LRRC4C: variants seen among roughly 807,000 people sequenced by gnomAD.
The protein encoded by LRRC4C is leucine rich repeat containing 4C, also known as leucine-rich repeat-containing protein 4C.
A neutral mutation model predicts 33.6 loss-of-function variants in LRRC4C; 5 were observed. That is an observed-to-expected ratio of 0.15 (90% confidence interval 0.08 to 0.31). The LOEUF is 0.31. LRRC4C is among the 10% of genes least tolerant of loss of function. The pLI is 1.00. For synonymous variants in LRRC4C, 329 were observed against 302.0 expected (o/e 1.09, Z -0.93); for missense variants, 560 against 796.7 (o/e 0.70, Z 3.58).
intron 1 of LRRC4C, among the ~76,000 whole-genome samples, chr11:41,427,290 A>G (rs1290880532): frequency 6.6e-6 from 1 of 152,096 alleles, no homozygotes; most frequent in Non-Finnish European, 1.5e-5. Flanking sequence ...TTATTTTTTA[A>G]GTATCCACTC....
chr11:40,337,566 T>C (rs1450618970), intron 3 of LRRC4C, among the ~76,000 whole-genome samples: 2 of 152,224 alleles, frequency 1.3e-5, no homozygotes, highest in Non-Finnish European at 2.9e-5. Flanking sequence ...AGCATTGTTT[T>C]ATGATACATG....
chr11:40,660,739 C>T (rs781608621), intron 2 of LRRC4C, among the ~76,000 whole-genome samples: 4 of 152,178 alleles, frequency 2.6e-5, no homozygotes, highest in Non-Finnish European at 5.9e-5. Context: ...GCACATTTTT[C>T]CAGCTTCTTT....
intron 5 of LRRC4C, among the ~76,000 whole-genome samples, chr11:40,155,581 A>G (rs191612310): frequency 4.0e-4 from 61 of 152,288 alleles, no homozygotes; most frequent in Admixed American, 2.6e-3. Context: ...GAATACCTTT[A>G]TGCACATAAA....
In LRRC4C at chr11:41,386,290, C is replaced by G. The variant is rs149920510; in HGVS notation, c.-496+73141G>C. ...AAAAGAAAAGTTGAGATTATGAGTG[C>G]TTTTTCAAGACTTACTTACTTTTCA... On this transcript the variant is annotated intron_variant, in intron 1 of 6. Coordinates refer to ENST00000528697, the MANE Select transcript of LRRC4C (RefSeq NM_001258419.2). 2.5e-3 allele frequency among the ~76,000 whole-genome samples: 384 copies of G among 151,306 alleles called. 3 individuals carry two copies. The highest frequency in any genetic ancestry group is 9.1e-3 in the African/African-American group (373 of 41,118).
chr11:40,644,627 G>A (rs118032455), intron 3 of LRRC4C, among the ~76,000 whole-genome samples: 1 of 152,264 alleles, frequency 6.6e-6, no homozygotes, highest in East Asian at 1.9e-4. Flanking sequence ...TTAATCTTCA[G>A]AGAATTATAC....
At chr11:41,291,935 G>A (rs1434569571) in intron 1 of LRRC4C, among the ~76,000 whole-genome samples, 1 of 152,188 alleles carries the variant, frequency 6.6e-6, no homozygotes, top group African/African-American at 2.4e-5. Flanking sequence ...GGGCATAGGA[G>A]GGTATGGAGC....
chr11:41,406,671 C>T (rs1954247298), intron 1 of LRRC4C, among the ~76,000 whole-genome samples: 1 of 149,870 alleles, frequency 6.7e-6, no homozygotes, highest in African/African-American at 2.5e-5. Context: ...TGCTTTCCAT[C>T]AAAGTATTCC....
chr11:40,960,640 A>G (rs1447865759), intron 1 of LRRC4C, among the ~76,000 whole-genome samples: 1 of 151,812 alleles, frequency 6.6e-6, no homozygotes, highest in Non-Finnish European at 1.5e-5. Context: ...GCACAGAAGA[A>G]AACTAAACAT....
intron 1 of LRRC4C, among the ~76,000 whole-genome samples, chr11:41,021,617 C>A (rs1782694993): frequency 6.6e-6 from 1 of 151,964 alleles, no homozygotes; most frequent in Non-Finnish European, 1.5e-5. Flanking sequence ...AAGATACAGC[C>A]CCCATGAATG....
chr11:40,842,621 T>C (rs1254752533), intron 2 of LRRC4C, among the ~76,000 whole-genome samples: 1 of 152,152 alleles, frequency 6.6e-6, no homozygotes, highest in African/African-American at 2.4e-5. Context: ...CACTGTATTG[T>C]CAAACAGATC....
chr11:40,344,297 T>C (rs184585661), intron 3 of LRRC4C, among the ~76,000 whole-genome samples: 3 of 152,190 alleles, frequency 2.0e-5, no homozygotes, highest in Admixed American at 2.0e-4. Flanking sequence ...AAAAAGTGAA[T>C]CCACTATGAT....
At position 40,984,932 on chromosome 11, in the gene LRRC4C, C is replaced by T. The variant is rs1380920105; in HGVS notation, c.-495-51209G>A. On this transcript the variant is annotated intron_variant, in intron 1 of 6. Transcript: ENST00000528697. The stretch of plus-strand genomic sequence containing the variant: ...TTTTTTTTTTTTTGAGACGCAATCT[C>T]GCTCTGTCACTCAGGCTGGAGTGCA... Among the ~76,000 whole-genome samples, 10 of 64,432 alleles carry T rather than the reference C, an allele frequency of 1.6e-4. No individual in the cohort carries two copies. In the East Asian group the frequency reaches 3.3e-3, roughly 21 times the overall value. 42.3% of individuals were successfully genotyped at this position (64,432 alleles called of 152,430 possible).
chr11:41,356,712 T>C (rs561473857), intron 1 of LRRC4C, among the ~76,000 whole-genome samples: 2 of 152,260 alleles, frequency 1.3e-5, no homozygotes, highest in East Asian at 3.9e-4. Flanking sequence ...TCTGATATCA[T>C]TGGTCTAAGC....
At chr11:41,312,940 C>T (rs1950683674) in intron 1 of LRRC4C, among the ~76,000 whole-genome samples, 2 of 152,150 alleles carry the variant, frequency 1.3e-5, no homozygotes, top group Non-Finnish European at 2.9e-5. Flanking sequence ...CAAGTAGTGG[C>T]CTATGTTATG....
chr11:41,328,177 TC>T (rs1029236831), intron 1 of LRRC4C, among the ~76,000 whole-genome samples: 8 of 152,110 alleles, frequency 5.3e-5, no homozygotes, highest in African/African-American at 1.9e-4. Context: ...TGGGCTAACT[TC>T]CCCTTTTCTT....
At chr11:41,086,647 C>G (rs1439737204) in intron 1 of LRRC4C, among the ~76,000 whole-genome samples, 1 of 151,922 alleles carries the variant, frequency 6.6e-6, no homozygotes, top group Non-Finnish European at 1.5e-5. Flanking sequence ...TTTCTTTGTG[C>G]TTTCTTACAG....
chr11:41,248,239 C>T (rs1423336943), intron 1 of LRRC4C, among the ~76,000 whole-genome samples: 3 of 152,164 alleles, frequency 2.0e-5, no homozygotes, highest in African/African-American at 7.2e-5. Flanking sequence ...TGTTCCTTCT[C>T]ACTGCCTGCC....
intron 4 of LRRC4C, among the ~76,000 whole-genome samples, chr11:40,277,259 A>C (rs569128618): frequency 6.6e-6 from 1 of 152,132 alleles, no homozygotes; most frequent in Non-Finnish European, 1.5e-5. Flanking sequence ...TCTCCCCAAC[A>C]TAAGAAAACA....
At chr11:41,184,423 A>C (rs1945596644) in intron 1 of LRRC4C, among the ~76,000 whole-genome samples, 1 of 152,020 alleles carries the variant, frequency 6.6e-6, no homozygotes, top group African/African-American at 2.4e-5. Flanking sequence ...CATCTCTCTC[A>C]AGTTCAAAGT....
Sources: gnomAD v4.1 joint callset for allele counts (sites outside exome capture counted in the v4.1 genomes callset) on GRCh38, gnomAD v4.1.1 for gene constraint, MANE v1.5 for transcripts, NCBI Gene and HGNC (gene_info 2026-07-23, HGNC 2026-07-21) for gene names.